ATAD2B: variants seen among roughly 807,000 people sequenced by gnomAD.
ATAD2B encodes the protein ATPase family AAA domain containing 2B.
A neutral mutation model predicts 167.6 loss-of-function variants in ATAD2B; 40 were observed. The ratio of observed to expected loss-of-function variants is 0.24; its 90% CI spans 0.19 to 0.31. The LOEUF (loss-of-function observed/expected upper bound fraction) is 0.31, where lower values mean the gene tolerates loss of function less well. ATAD2B is among the 10% of genes least tolerant of loss of function. The pLI is 1.00. For synonymous variants in ATAD2B, 579 were observed against 596.5 expected, an observed-to-expected ratio of 0.97 and a Z score of 0.43; for missense variants, 1,242 against 1,757.2, an observed-to-expected ratio of 0.71 and a Z score of 5.24.
chr2:23,690,228 G>C, the ATAD2B span: 1 of 152,258 alleles, frequency 6.6e-6, no homozygotes, highest in Non-Finnish European at 1.5e-5. Context: ...GAGTCTCGTG[G>C]GAAGGGCATT....
intron 8 of ATAD2B, among the ~76,000 whole-genome samples, chr2:23,874,692 T>C (rs1696546401): frequency 6.7e-6 from 1 of 149,894 alleles, no homozygotes; most frequent in African/African-American, 2.5e-5. Context: ...AGACCCTGTC[T>C]CAAAAAAAAA....
At chr2:23,733,692 G>C in the ATAD2B span, among the ~76,000 whole-genome samples, 1 of 152,172 alleles carries the variant, frequency 6.6e-6, no homozygotes, top group East Asian at 1.9e-4. Context: ...AGAAACCTAA[G>C]AGCAATTCCA....
At chr2:23,739,092 A>G in the ATAD2B span, among the ~76,000 whole-genome samples, 1 of 152,198 alleles carries the variant, frequency 6.6e-6, no homozygotes, top group Non-Finnish European at 1.5e-5. Context: ...CTCCCACCCA[A>G]TAATAATGGG....
At chr2:23,678,684 G>A in the ATAD2B span, among the ~76,000 whole-genome samples, 1 of 152,204 alleles carries the variant, frequency 6.6e-6, no homozygotes, top group Non-Finnish European at 1.5e-5. Flanking sequence ...AGGATGAATG[G>A]TTAAACAGTA....
chr2:23,892,476 T>TC (rs1699671547), intron 2 of ATAD2B, among the ~76,000 whole-genome samples: 1 of 148,956 alleles, frequency 6.7e-6, no homozygotes, highest in East Asian at 2.0e-4. Flanking sequence ...TTCTTTTCTT[T>TC]TTTTTTTTTT....
intron 2 of ATAD2B, among the ~76,000 whole-genome samples, chr2:23,891,270 T>C (rs1478901274): frequency 6.6e-6 from 1 of 152,084 alleles, no homozygotes; most frequent in East Asian, 1.9e-4. Flanking sequence ...TCCACCCGCC[T>C]TGGCCTCCCA....
chr2:23,735,877 C>T, the ATAD2B span, among the ~76,000 whole-genome samples: 2 of 152,152 alleles, frequency 1.3e-5, no homozygotes, highest in African/African-American at 4.8e-5. Flanking sequence ...GAGGAGGGGA[C>T]CATCTGTGCA....
chr2:23,729,301 A>G, the ATAD2B span, among the ~76,000 whole-genome samples: 3 of 152,230 alleles, frequency 2.0e-5, no homozygotes, highest in South Asian at 4.1e-4. Flanking sequence ...AGTCATTCAT[A>G]TTAAGTGCAA....
At chr2:23,830,647 T>C (rs1338674335) in intron 14 of ATAD2B, among the ~76,000 whole-genome samples, 5 of 152,150 alleles carry the variant, frequency 3.3e-5, no homozygotes, top group Non-Finnish European at 5.9e-5. Context: ...CATTCAGCTA[T>C]GAAAGTTAAA....
intron 1 of ATAD2B, among the ~76,000 whole-genome samples, chr2:23,913,129 T>C (rs1387137656): frequency 6.6e-6 from 1 of 152,178 alleles, no homozygotes; most frequent in Non-Finnish European, 1.5e-5. Flanking sequence ...TTTTTCTACA[T>C]CTAACAGAAA....
At position 23,875,754 on chromosome 2, in the gene ATAD2B, CTAAT is replaced by C. The variant is rs1573184068; in HGVS notation, c.977+71_977+74del. The C allele has an allele frequency of 3.2e-6, 3 of 950,994 alleles. No homozygotes were observed. In the East Asian group the frequency reaches 7.8e-5, roughly 25 times the overall value. 58.9% of individuals were successfully genotyped at this position (950,994 alleles called of 1,614,324 possible). A position where few individuals can be genotyped will look rare whatever the true frequency, so the allele number is the denominator to read the frequency against. On this transcript the variant is annotated intron_variant, in intron 8 of 27. Coordinates refer to ENST00000238789, the MANE Select transcript of ATAD2B (RefSeq NM_017552.4). ...TAAATAGGATGACAACTGTTAGTCA[CTAAT>C]TAAAGAAAGAAAGACACAATTAGTC...
chr2:23,679,721 A>C, the ATAD2B span, among the ~76,000 whole-genome samples: 1 of 152,180 alleles, frequency 6.6e-6, no homozygotes, highest in Non-Finnish European at 1.5e-5. Flanking sequence ...TACAACTCCT[A>C]GTATCGATAA....
intron 21 of ATAD2B, among the ~76,000 whole-genome samples, chr2:23,785,247 T>A (rs975225852): frequency 2.6e-5 from 4 of 152,046 alleles, no homozygotes; most frequent in Non-Finnish European, 5.9e-5. Context: ...TTCATTTTTT[T>A]AAAAAAAGAA....
intron 1 of ATAD2B, among the ~76,000 whole-genome samples, chr2:23,907,516 T>A (rs1701670963): frequency 2.0e-5 from 3 of 152,116 alleles, no homozygotes; most frequent in Admixed American, 6.5e-5. Flanking sequence ...GTAGGAAGAA[T>A]CAATATCATG....
At chr2:23,803,603 C>T (rs1683866031) in intron 18 of ATAD2B, among the ~76,000 whole-genome samples, 1 of 152,108 alleles carries the variant, frequency 6.6e-6, no homozygotes, top group Non-Finnish European at 1.5e-5. Context: ...AAAAACATTG[C>T]TTTTTAATAT....
chr2:23,921,033 T>G (rs1703838997), intron 1 of ATAD2B, among the ~76,000 whole-genome samples: 1 of 151,638 alleles, frequency 6.6e-6, no homozygotes, highest in African/African-American at 2.4e-5. Context: ...GATGAAGCCC[T>G]GTCTCTACTA....
chr2:23,713,405 T>A, the ATAD2B span, among the ~76,000 whole-genome samples: 58 of 113,608 alleles, frequency 5.1e-4, 1 homozygote, highest in Non-Finnish European at 1.9e-4. Flanking sequence ...TATGGAGGTT[T>A]TTTTTTTTAA....
rs1572812512 is a variant in ATAD2B, at chr2:23,801,504, T to C, written c.2455-3181A>G. ...GTAGTAGAAAACAGAAAAACTGTTA[T>C]AGAAAAAAAAAAAGACAGTAGGCCA... On this transcript the variant is annotated intron_variant, in intron 18 of 27. Transcript: ENST00000238789. 3.3e-5 allele frequency among the ~76,000 whole-genome samples: 5 copies of C among 149,660 alleles called. No homozygotes were observed. The South Asian group carries it at 8.4e-4, about 25-fold the overall frequency.
chr2:23,903,085 A>T (rs1701024254), intron 1 of ATAD2B, among the ~76,000 whole-genome samples: 1 of 151,756 alleles, frequency 6.6e-6, no homozygotes, highest in Non-Finnish European at 1.5e-5. Flanking sequence ...AATATAGAAA[A>T]ATTAGCCAGG....
Sources: gnomAD v4.1 joint callset for allele counts (sites outside exome capture counted in the v4.1 genomes callset) on GRCh38, gnomAD v4.1.1 for gene constraint, MANE v1.5 for transcripts, NCBI Gene and HGNC (gene_info 2026-07-23, HGNC 2026-07-21) for gene names.